CHCHD6: variants seen among roughly 807,000 people sequenced by gnomAD.
The protein encoded by CHCHD6 is coiled-coil-helix-coiled-coil-helix domain containing 6, also known as MICOS complex subunit MIC25.
Under a neutral mutation model 32.3 loss-of-function variants are expected in CHCHD6, and 28 were observed. The observed-to-expected ratio is 0.87, with a 90% CI of 0.64 to 1.19. CHCHD6 has a LOEUF of 1.19. CHCHD6 is among the 50% of genes most tolerant of loss of function. The pLI, the probability that CHCHD6 is intolerant of heterozygous loss-of-function variation, is 0.00. For synonymous variants in CHCHD6, 122 were observed against 117.5 expected (o/e 1.04, Z -0.25); for missense variants, 333 against 307.0 (o/e 1.08, Z -0.63).
At chr3:126,802,282 T>C (rs529268728) in intron 4 of CHCHD6, among the ~76,000 whole-genome samples, 2 of 152,256 alleles carry the variant, frequency 1.3e-5, no homozygotes, top group Admixed American at 1.3e-4. Flanking sequence ...CAGGAGGAAA[T>C]TCAAACCAAA....
intron 5 of CHCHD6, among the ~76,000 whole-genome samples, chr3:126,864,573 C>T (rs935190714): frequency 3.3e-5 from 5 of 150,418 alleles, no homozygotes; most frequent in East Asian, 4.0e-4. Flanking sequence ...TTCTCCACCA[C>T]CTCCTTCTCC....
At chr3:126,864,649 TCCTCCTCCTCCA>T (rs1475639612) in intron 5 of CHCHD6, among the ~76,000 whole-genome samples, 46 of 124,852 alleles carry the variant, frequency 3.7e-4, no homozygotes, top group African/African-American at 1.4e-3. Context: ...TTACCTTTTT[TCCTCCTCCTCCA>T]CCTCCTCCAC....
At chr3:126,706,785 A>G (rs1934507484) in intron 1 of CHCHD6, among the ~76,000 whole-genome samples, 2 of 152,184 alleles carry the variant, frequency 1.3e-5, no homozygotes, top group African/African-American at 4.8e-5. Flanking sequence ...GTCTTTAGGC[A>G]AGTGAGTGAA....
intron 4 of CHCHD6, among the ~76,000 whole-genome samples, chr3:126,852,007 G>C (rs1028602061): frequency 1.2e-4 from 19 of 152,198 alleles, no homozygotes; most frequent in African/African-American, 4.3e-4. Flanking sequence ...CCTTGGCCCT[G>C]TGCTCCAACA....
chr3:126,891,853 C>A (rs993871079), intron 5 of CHCHD6, among the ~76,000 whole-genome samples: 1 of 152,092 alleles, frequency 6.6e-6, no homozygotes, highest in Non-Finnish European at 1.5e-5. Context: ...AGGCTGGTGG[C>A]AAGGGGCATG....
intron 4 of CHCHD6, among the ~76,000 whole-genome samples, chr3:126,802,923 GA>G (rs1939157149): frequency 6.6e-6 from 1 of 152,076 alleles, no homozygotes; most frequent in South Asian, 2.1e-4. Context: ...CATTCTTAAA[GA>G]AAAGAATTTT....
chr3:126,843,181 G>GT (rs1941169341), intron 4 of CHCHD6, among the ~76,000 whole-genome samples: 1 of 152,038 alleles, frequency 6.6e-6, no homozygotes, highest in Non-Finnish European at 1.5e-5. Context: ...GAAAATGATC[G>GT]TATGATTGTC....
intron 4 of CHCHD6, among the ~76,000 whole-genome samples, chr3:126,814,413 A>G (rs922016392): frequency 9.9e-5 from 15 of 152,210 alleles, no homozygotes; most frequent in African/African-American, 2.4e-4. Context: ...TTGTATGTGA[A>G]TGATTGACTG....
chr3:126,745,696 T>A (rs1446922174), intron 4 of CHCHD6, among the ~76,000 whole-genome samples: 1 of 152,132 alleles, frequency 6.6e-6, no homozygotes, highest in East Asian at 1.9e-4. Context: ...GGCCCCTGAG[T>A]ACACCCCTCC....
At chr3:126,810,463 C>T (rs1257647796) in intron 4 of CHCHD6, among the ~76,000 whole-genome samples, 6 of 152,142 alleles carry the variant, frequency 3.9e-5, no homozygotes, top group Non-Finnish European at 8.8e-5. Context: ...GAGCCAAGTA[C>T]TACAGTTTGT....
At chr3:126,947,044 C>T (rs567102243) in intron 6 of CHCHD6, among the ~76,000 whole-genome samples, 2 of 152,356 alleles carry the variant, frequency 1.3e-5, no homozygotes, top group South Asian at 4.1e-4. Context: ...GCGCTGGGCG[C>T]GCTCCACAGG....
chr3:126,902,237 G>A (rs1229125925), intron 5 of CHCHD6, among the ~76,000 whole-genome samples: 1 of 152,196 alleles, frequency 6.6e-6, no homozygotes, highest in Non-Finnish European at 1.5e-5. Flanking sequence ...GTGGGCTCAG[G>A]CAAAACGTGT....
At chr3:126,917,238 A>G (rs1393786224) in intron 6 of CHCHD6, among the ~76,000 whole-genome samples, 1 of 152,214 alleles carries the variant, frequency 6.6e-6, no homozygotes, top group Non-Finnish European at 1.5e-5. Flanking sequence ...ACTCCATTCT[A>G]TATTTACTCT....
intron 1 of CHCHD6, among the ~76,000 whole-genome samples, chr3:126,726,581 G>T (rs1056683017): frequency 3.3e-5 from 5 of 152,174 alleles, no homozygotes; most frequent in Non-Finnish European, 4.4e-5. Context: ...CTGCAAAGTG[G>T]AATAAAGAGA....
intron 4 of CHCHD6, among the ~76,000 whole-genome samples, chr3:126,748,873 G>C (rs1488079250): frequency 6.6e-6 from 1 of 152,102 alleles, no homozygotes; most frequent in African/African-American, 2.4e-5. Flanking sequence ...TGGAGCCCCT[G>C]GTCCAGTTGG....
chr3:126,864,802 GTCACCTCCTCCTCCAGCA>G (rs1942191706), intron 5 of CHCHD6, among the ~76,000 whole-genome samples: 1 of 45,054 alleles, frequency 2.2e-5, no homozygotes, highest in African/African-American at 9.2e-5. Context: ...CTCCTCCACC[GTCACCTCCTCCTCCAGCA>G]TCATCTCCTC....
chr3:126,727,705 C>T (rs777423216), intron 2 of CHCHD6, among the ~76,000 whole-genome samples: 4 of 152,164 alleles, frequency 2.6e-5, no homozygotes, highest in Admixed American at 1.3e-4. Context: ...CTAGGAGTTC[C>T]TCTTCCTGGC....
intron 6 of CHCHD6, among the ~76,000 whole-genome samples, chr3:126,939,474 T>TA (rs2078528393): frequency 6.6e-6 from 1 of 152,232 alleles, no homozygotes. Context: ...CTGTGTCTTT[T>TA]AGCCTGTGTG....
At chr3:126,746,212 G>A (rs1013372172) in intron 4 of CHCHD6, among the ~76,000 whole-genome samples, 16 of 152,202 alleles carry the variant, frequency 1.1e-4, no homozygotes, top group African/African-American at 3.9e-4. Flanking sequence ...TCTACTGGGA[G>A]CCTTTGCCTC....
Sources: gnomAD v4.1 joint callset for allele counts (sites outside exome capture counted in the v4.1 genomes callset) on GRCh38, gnomAD v4.1.1 for gene constraint, MANE v1.5 for transcripts, NCBI Gene and HGNC (gene_info 2026-07-23, HGNC 2026-07-21) for gene names.